The following ARHGEF7 variants were observed in gnomAD, a reference collection of about 807,000 sequenced individuals.
ARHGEF7 encodes PAK-interacting exchange factor beta.
In ARHGEF7, 33 loss-of-function variants were observed where a neutral mutation model predicts 109.8. The observed-to-expected ratio is 0.30, with a 90% confidence interval of 0.23 to 0.40. ARHGEF7 has a LOEUF of 0.40. Ranked by LOEUF, ARHGEF7 falls within the 10% of genes least tolerant of loss-of-function variation. The pLI is 1.00. For missense variants in ARHGEF7, 938 were observed against 1,098.5 expected (o/e 0.85, Z 2.07); for synonymous variants, 458 against 424.6 (o/e 1.08, Z -0.97).
At chr13:111,175,220 G>T (rs1389249098) in intron 2 of ARHGEF7, among the ~76,000 whole-genome samples, 1 of 152,232 alleles carries the variant, frequency 6.6e-6, no homozygotes, top group Non-Finnish European at 1.5e-5. Flanking sequence ...GAGGGCCCCT[G>T]TGGGTCCCAC....
chr13:111,259,093 GT>G (rs1279420381), intron 8 of ARHGEF7, among the ~76,000 whole-genome samples: 1 of 152,152 alleles, frequency 6.6e-6, no homozygotes, highest in East Asian at 1.9e-4. Flanking sequence ...GATTCCTAAG[GT>G]TTCAGCTTCC....
In ARHGEF7 at chr13:111,156,141, C is replaced by G. The variant is rs200197017; in HGVS notation, c.252+2150C>G. On this transcript the variant is annotated intron_variant, in intron 2 of 21. Transcript: ENST00000646102. ...TAAAAACTTACCGTTTTTAGTTTTC[C>G]AAAGGTTGCTGACATTTCATACAGT... 5.3e-5 allele frequency among the ~76,000 whole-genome samples: 8 copies of G among 150,734 alleles called. No individual in the cohort carries two copies. In the East Asian group the frequency reaches 1.5e-3, roughly 29 times the overall value.
At chr13:111,274,845 G>A (rs935755013) in intron 11 of ARHGEF7, 55 bp downstream of exon 11, 12 of 1,176,516 alleles carry the variant, frequency 1.0e-5, no homozygotes, top group East Asian at 5.6e-5. Context: ...ACAAATGAAT[G>A]TAAAAGAATT....
intron 2 of ARHGEF7, among the ~76,000 whole-genome samples, chr13:111,164,484 A>G (rs546275839): frequency 2.0e-5 from 3 of 152,220 alleles, no homozygotes; most frequent in Non-Finnish European, 4.4e-5. Context: ...TAGTGTTGCC[A>G]CACAGGGCCC....
intron 1 of ARHGEF7, among the ~76,000 whole-genome samples, chr13:111,124,524 G>A (rs1157543375): frequency 1.3e-5 from 2 of 152,220 alleles, no homozygotes; most frequent in Non-Finnish European, 2.9e-5. Context: ...TTTCCCCAGA[G>A]AATAAGCCTC....
intron 1 of ARHGEF7, among the ~76,000 whole-genome samples, chr13:111,118,345 G>A (rs541522458): frequency 1.3e-3 from 204 of 152,320 alleles, no homozygotes; most frequent in African/African-American, 4.8e-3. Context: ...CCAGGTTCCC[G>A]CTTTGCTTTT....
chr13:111,282,953 C>T (rs1173145015), intron 15 of ARHGEF7, 186 bp from the exon 16 acceptor site: 8 of 829,364 alleles, frequency 9.6e-6, no homozygotes, highest in Middle Eastern at 2.4e-4. Flanking sequence ...GCCCAGGTGG[C>T]GCGAGCTAGT....
At position 111,248,586 on chromosome 13, in the gene ARHGEF7, C is replaced by T. The variant is rs114209410; in HGVS notation, c.950+4292C>T. On this transcript the variant is annotated intron_variant, in intron 8 of 21. Coordinates refer to ENST00000646102, the MANE Select transcript of ARHGEF7 (RefSeq NM_001354046.2). Reference sequence around the variant, plus strand: ...CTGCTCTGTTCTTCAGGTTGAATGGCGTCTGCTGTGTCCTAAGTGTTCACT... The same window carrying T: ...CTGCTCTGTTCTTCAGGTTGAATGGTGTCTGCTGTGTCCTAAGTGTTCACT... 5.6e-3 allele frequency among the ~76,000 whole-genome samples: 846 copies of T among 152,254 alleles called. 5 individuals carry two copies. Among genetic ancestry groups the T allele is most frequent in the African/African-American group, 0.02 (822 of 41,534 alleles).
At chr13:111,151,309 T>G (rs2075875302) in intron 1 of ARHGEF7, among the ~76,000 whole-genome samples, 1 of 152,234 alleles carries the variant, frequency 6.6e-6, no homozygotes, top group South Asian at 2.1e-4. Flanking sequence ...TGGCAGAACC[T>G]GCCTTGCCTG....
At chr13:111,294,249 G>T (rs997804375) in intron 19 of ARHGEF7, 42 of 985,196 alleles carry the variant, frequency 4.3e-5, no homozygotes, top group African/African-American at 1.9e-4. Flanking sequence ...TATTACATAC[G>T]GTAGTCCTCT....
intron 1 of ARHGEF7, among the ~76,000 whole-genome samples, chr13:111,127,692 A>G (rs1301670926): frequency 6.6e-6 from 1 of 151,372 alleles, no homozygotes; most frequent in African/African-American, 2.4e-5. Context: ...GAAGGAAGAA[A>G]GATTAATAGT....
At chr13:111,132,355 T>C (rs969912645) in intron 1 of ARHGEF7, among the ~76,000 whole-genome samples, 1 of 152,210 alleles carries the variant, frequency 6.6e-6, no homozygotes, top group Non-Finnish European at 1.5e-5. Context: ...AGGTGTTTAA[T>C]ATTTCCCCTT....
At chr13:111,126,055 G>A (rs2067535846) in intron 1 of ARHGEF7, among the ~76,000 whole-genome samples, 1 of 152,210 alleles carries the variant, frequency 6.6e-6, no homozygotes, top group African/African-American at 2.4e-5. Context: ...TTCCTCTGTG[G>A]TGCTTAGGAA....
chr13:111,145,989 A>G lies in ARHGEF7; in HGVS notation c.166-7916A>G, dbSNP rs2075571701. ...TAGGTCATTTAGTGCACAGTTGCTG[A>G]CTGTTTAACATGAGACATCGGTGGG... On this transcript the variant is annotated intron_variant, in intron 1 of 21. Coordinates refer to ENST00000646102, the MANE Select transcript of ARHGEF7 (RefSeq NM_001354046.2). This position sits in a 1 kb window ranked among gnomAD's most constrained non-coding sequence, Gnocchi z 4.3. Among the ~76,000 whole-genome samples, 1 of 152,142 alleles carries G rather than the reference A, an allele frequency of 6.6e-6. No homozygotes were observed. The highest frequency in any genetic ancestry group is 2.4e-5 in the African/African-American group (1 of 41,422).
chr13:111,229,056 C>G (rs1052529943), intron 5 of ARHGEF7, among the ~76,000 whole-genome samples: 1 of 151,986 alleles, frequency 6.6e-6, no homozygotes, highest in Non-Finnish European at 1.5e-5. Flanking sequence ...GGAGCTGCCT[C>G]GGAGTGGGGA....
chr13:111,294,218 T>A, intron 19 of ARHGEF7: 1 of 985,438 alleles, frequency 1.0e-6, no homozygotes, highest in Non-Finnish European at 1.2e-6. Flanking sequence ...ATAAGTGGAT[T>A]TAGAAGCGAT....
intron 19 of ARHGEF7, chr13:111,293,158 G>A: frequency 1.0e-6 from 1 of 985,408 alleles, no homozygotes; most frequent in Non-Finnish European, 1.2e-6. Context: ...GAAAGCTGAA[G>A]CATTCAGCCT....
chr13:111,177,365 C>G (rs552148850), intron 2 of ARHGEF7, among the ~76,000 whole-genome samples: 1 of 152,248 alleles, frequency 6.6e-6, no homozygotes, highest in Non-Finnish European at 1.5e-5. Context: ...AGTCCACATT[C>G]TTCCTGTTGC....
At chr13:111,136,043 A>G (rs1322233537) in intron 1 of ARHGEF7, among the ~76,000 whole-genome samples, 15 of 152,196 alleles carry the variant, frequency 9.9e-5, no homozygotes, top group African/African-American at 3.4e-4. Context: ...TTCTGCATCT[A>G]TTGAAATAAT....
Sources: allele counts gnomAD v4.1 joint callset (sites outside exome capture counted in the v4.1 genomes callset), GRCh38; gene constraint gnomAD v4.1.1; non-coding constraint Gnocchi (gnomAD v3.1); transcripts MANE v1.5; gene names NCBI Gene and HGNC (gene_info 2026-07-23, HGNC 2026-07-21).